The following ACTL6A variants were observed in gnomAD, a reference collection of about 807,000 sequenced individuals.
ACTL6A encodes the protein actin-like protein 6A.
A neutral mutation model predicts 59.2 loss-of-function variants in ACTL6A; 5 were observed. The ratio of observed to expected loss-of-function variants is 0.08; its 90% confidence interval spans 0.04 to 0.18. ACTL6A has a LOEUF of 0.18. ACTL6A is among the 10% of genes least tolerant of loss of function. The probability of loss-of-function intolerance (pLI) is 1.00; values close to 1 mark genes in which losing one functional copy is unlikely to be tolerated. For synonymous variants in ACTL6A, 154 were observed against 171.8 expected (o/e 0.90, Z 0.81); for missense variants, 285 against 526.9 (o/e 0.54, Z 4.49).
chr3:179,575,376 G>A (rs748434741), intron 5 of ACTL6A: 20 of 456,442 alleles, frequency 4.4e-5, no homozygotes, highest in South Asian at 3.1e-4. Flanking sequence ...ATCTTCCCTG[G>A]GACATCCTGA....
chr3:179,577,480 A>C (rs1718201432), intron 8 of ACTL6A, among the ~76,000 whole-genome samples: 2 of 151,516 alleles, frequency 1.3e-5, no homozygotes. Context: ...TAATTTCTTA[A>C]AAAAAAAACA....
chr3:179,573,312 A>G (rs1027598760), intron 3 of ACTL6A, 57 bp from the exon 4 acceptor site: 13 of 1,156,806 alleles, frequency 1.1e-5, no homozygotes, highest in African/African-American at 1.6e-5. Flanking sequence ...TTCTCAAAAG[A>G]TGCTATATTC....
Position 179,570,014 on chromosome 3 carries a change from A to G in ACTL6A, c.103-53A>G. On this transcript the variant is annotated intron_variant, in intron 2 of 13. Transcript: ENST00000429709. The surrounding 1 kb of genome is among the most constrained non-coding windows in gnomAD (Gnocchi z 4.3). ...ATAAAATACATTAATTGGGGAAAAA[A>G]TGCCTTCTTGATGAAAGGTGAAACT... 6.3e-7 allele frequency: 1 copy of G among 1,586,028 alleles called. No homozygotes were observed. The highest frequency in any genetic ancestry group is 1.1e-5 in the South Asian group (1 of 87,164).
At chr3:179,571,758 A>T (rs191561711) in intron 3 of ACTL6A, among the ~76,000 whole-genome samples, 21 of 152,342 alleles carry the variant, frequency 1.4e-4, no homozygotes, top group African/African-American at 5.1e-4. Flanking sequence ...CTGGTTATGT[A>T]GGTACCATCT....
At chr3:179,578,407 C>T (rs369015436) in intron 8 of ACTL6A, among the ~76,000 whole-genome samples, 18 of 151,998 alleles carry the variant, frequency 1.2e-4, no homozygotes, top group African/African-American at 2.2e-4. Context: ...TGAGCCAACA[C>T]GGTGCCACTG....
At chr3:179,574,517 A>G in intron 5 of ACTL6A, 50 bp downstream of exon 5, 2 of 1,245,094 alleles carry the variant, frequency 1.6e-6, no homozygotes, top group Non-Finnish European at 2.4e-6. Flanking sequence ...TACGATACTA[A>G]TGAATATGAT....
At chr3:179,577,813 A>ACTC (rs1718214355) in intron 8 of ACTL6A, among the ~76,000 whole-genome samples, 1 of 141,854 alleles carries the variant, frequency 7.0e-6, no homozygotes, top group African/African-American at 2.6e-5. Context: ...ACATGATCTC[A>ACTC]TTCTTTTTTT....
At chr3:179,567,416 G>A (rs2108353986) in intron 1 of ACTL6A, among the ~76,000 whole-genome samples, 1 of 152,230 alleles carries the variant, frequency 6.6e-6, no homozygotes, top group African/African-American at 2.4e-5. Flanking sequence ...CTGGTTTCAA[G>A]TACAGTCACA....
intron 12 of ACTL6A, among the ~76,000 whole-genome samples, chr3:179,584,817 G>C (rs1718438057): frequency 1.3e-5 from 2 of 151,926 alleles, no homozygotes; most frequent in African/African-American, 4.8e-5. Context: ...AAAACTTCAA[G>C]TGCTTTTTTT....
rs1717983115 is a variant in ACTL6A, at chr3:179,570,846, A to T, written c.277+605A>T. 6.6e-6 allele frequency among the ~76,000 whole-genome samples: 1 copy of T among 152,222 alleles called. No individual in the cohort carries two copies. Among genetic ancestry groups the T allele is most frequent in the South Asian group, 2.1e-4 (1 of 4,820 alleles). On this transcript the variant is annotated intron_variant, in intron 3 of 13. Coordinates refer to ENST00000429709, the MANE Select transcript of ACTL6A (RefSeq NM_004301.5). The surrounding 1 kb of genome is among the most constrained non-coding windows in gnomAD (Gnocchi z 4.3). Reference sequence around the variant, plus strand: ...AACCATCCCAGGGTTGTATTAAGCTAGTGACTGAAGGATAACCCCAAAGGA... The same window carrying T: ...AACCATCCCAGGGTTGTATTAAGCTTGTGACTGAAGGATAACCCCAAAGGA...
intron 1 of ACTL6A, among the ~76,000 whole-genome samples, chr3:179,564,905 A>G (rs1279827023): frequency 6.9e-6 from 1 of 144,702 alleles, no homozygotes; most frequent in Non-Finnish European, 1.5e-5. Context: ...TTTTTTTTTA[A>G]TAGAGATGGG....
intron 13 of ACTL6A, 169 bp downstream of exon 13, chr3:179,586,801 G>A (rs1718508003): frequency 1.7e-6 from 1 of 571,856 alleles, no homozygotes; most frequent in Admixed American, 4.0e-5. Flanking sequence ...GTAACAAAAT[G>A]CCTCTGCCTA....
chr3:179,571,154 C>T (rs974275019), intron 3 of ACTL6A, among the ~76,000 whole-genome samples: 4 of 152,078 alleles, frequency 2.6e-5, no homozygotes, highest in Non-Finnish European at 5.9e-5. Context: ...TGGTGGCTCG[C>T]GCCTATATAA....
At position 179,580,925 on chromosome 3, in the gene ACTL6A, G is replaced by A; in HGVS notation, c.862G>A (p.Glu288Lys). 1 of 1,587,116 alleles carries A rather than the reference G, an allele frequency of 6.3e-7. No individual in the cohort carries two copies. The highest frequency in any genetic ancestry group is 8.5e-7 in the Non-Finnish European group (1 of 1,174,024). Residue 288 changes from glutamate (E) to lysine (K), a missense_variant, in exon 10 of 14, where the codon GAA (glutamate) becomes AAA (lysine). Glu to Lys is a moderately conservative substitution (Grantham distance 56, BLOSUM62 1). Transcript: ENST00000429709. The stretch of plus-strand genomic sequence containing the variant: ...TGCACAGATGCCAACTGTTCATTAT[G>A]AATTCCCCAATGGCTACAATTGTGA... The part of the protein sequence containing the change: ...VAAQMPTVHY[E>K]FPNGYNCDFG...
rs1717968495 is a variant in ACTL6A, at chr3:179,570,368, A to G, written c.277+127A>G. ...GTTTTGTTTTGTTTTTTATTCCACAAACTGATTTCCAGACACTGAGAATAC... is the reference window on the plus strand; with the variant it reads ...GTTTTGTTTTGTTTTTTATTCCACAGACTGATTTCCAGACACTGAGAATAC... On this transcript the variant is annotated intron_variant, in intron 3 of 13. Coordinates refer to ENST00000429709, the MANE Select transcript of ACTL6A (RefSeq NM_004301.5). The surrounding 1 kb of genome is among the most constrained non-coding windows in gnomAD (Gnocchi z 4.3). 1 of 860,664 alleles carries G rather than the reference A, an allele frequency of 1.2e-6. No individual in the cohort carries two copies. The highest frequency in any genetic ancestry group is 2.1e-5 in the South Asian group (1 of 48,156). The allele number at this position is 860,664 out of a possible 1,614,324, so 53.3% of individuals were successfully genotyped here. A position where few individuals can be genotyped will look rare whatever the true frequency, so the allele number is the denominator to read the frequency against.
chr3:179,574,604 A>G (rs1718110938), intron 5 of ACTL6A, 137 bp downstream of exon 5: 5 of 686,236 alleles, frequency 7.3e-6, no homozygotes, highest in Non-Finnish European at 1.3e-5. Context: ...CTTTTTAGCT[A>G]TTCATCTTTT....
At chr3:179,579,192 A>G (rs974548299) in intron 8 of ACTL6A, among the ~76,000 whole-genome samples, 1 of 151,972 alleles carries the variant, frequency 6.6e-6, no homozygotes, top group South Asian at 2.1e-4. Flanking sequence ...TTTCTTTTGA[A>G]GTGTCTATTA....
At chr3:179,571,903 T>C (rs1718019810) in intron 3 of ACTL6A, among the ~76,000 whole-genome samples, 1 of 130,850 alleles carries the variant, frequency 7.6e-6, no homozygotes, top group Admixed American at 8.1e-5. Flanking sequence ...CATAGGGAAC[T>C]GTTTGCCAGT....
intron 1 of ACTL6A, among the ~76,000 whole-genome samples, chr3:179,564,256 T>C (rs189109156): frequency 2.0e-5 from 3 of 152,358 alleles, no homozygotes; most frequent in Admixed American, 6.5e-5. Flanking sequence ...CTGTTGTTAC[T>C]GTGTCTAGTA....
Sources: allele counts gnomAD v4.1 joint callset (sites outside exome capture counted in the v4.1 genomes callset), GRCh38; gene constraint gnomAD v4.1.1; non-coding constraint Gnocchi (gnomAD v3.1); transcripts MANE v1.5; gene names NCBI Gene and HGNC (gene_info 2026-07-23, HGNC 2026-07-21).